ENPP3: variants seen among roughly 807,000 people sequenced by gnomAD.
The protein encoded by ENPP3 is ectonucleotide pyrophosphatase/phosphodiesterase 3.
A neutral mutation model predicts 117.8 loss-of-function variants in ENPP3; 104 were observed. The ratio of observed to expected loss-of-function variants is 0.88; its 90% confidence interval spans 0.75 to 1.04. ENPP3 has a LOEUF of 1.04. ENPP3 is among the 50% of genes least tolerant of loss of function. ENPP3 has a pLI of 0.00. For synonymous variants in ENPP3, 380 were observed against 349.9 expected, an observed-to-expected ratio of 1.09 and a Z score of -0.96; for missense variants, 1,026 against 1,051.9, an observed-to-expected ratio of 0.98 and a Z score of 0.34.
intron 1 of ENPP3, among the ~76,000 whole-genome samples, chr6:131,637,871 C>A (rs964148645): frequency 6.6e-6 from 1 of 152,072 alleles, no homozygotes. Context: ...GAGATAGTCT[C>A]TTTTGCCTAT....
At chr6:131,650,320 A>G (rs114577547) in intron 3 of ENPP3, among the ~76,000 whole-genome samples, 171 bp downstream of exon 3, 83 of 152,016 alleles carry the variant, frequency 5.5e-4, no homozygotes, top group African/African-American at 1.8e-3. Flanking sequence ...CCTGGGTCCA[A>G]TTGATCTTTC....
chr6:131,732,020 C>T (rs2114556082), intron 20 of ENPP3, among the ~76,000 whole-genome samples: 1 of 152,294 alleles, frequency 6.6e-6, no homozygotes, highest in South Asian at 2.1e-4. Flanking sequence ...ATGGTGCTCT[C>T]CTGGCTACAA....
At chr6:131,733,414 C>T (rs1349890418) in intron 20 of ENPP3, among the ~76,000 whole-genome samples, 174 bp from the exon 21 acceptor site, 1 of 152,120 alleles carries the variant, frequency 6.6e-6, no homozygotes, top group Admixed American at 6.5e-5. Context: ...CAGAAGGGAA[C>T]CACAGAAGAA....
At chr6:131,724,166 T>A (rs1436605488) in intron 19 of ENPP3, 75 bp downstream of exon 19, 1 of 954,736 alleles carries the variant, frequency 1.0e-6, no homozygotes, top group Non-Finnish European at 1.6e-6. Flanking sequence ...TTTAGGACTC[T>A]CCAAAATAAG....
At chr6:131,691,568 G>A (rs1184546231) in intron 14 of ENPP3, among the ~76,000 whole-genome samples, 1 of 145,718 alleles carries the variant, frequency 6.9e-6, no homozygotes, top group Non-Finnish European at 1.5e-5. Flanking sequence ...CAGCCTGAGT[G>A]ATAGAGCAAG....
intron 21 of ENPP3, 82 bp from the exon 22 acceptor site, chr6:131,737,273 T>C: frequency 1.3e-6 from 1 of 762,700 alleles, no homozygotes; most frequent in Middle Eastern, 3.3e-4. Context: ...TTTATATTAA[T>C]ATGTAATAGT....
chr6:131,660,013 A>C (rs906260679), intron 6 of ENPP3, among the ~76,000 whole-genome samples: 1 of 152,198 alleles, frequency 6.6e-6, no homozygotes, highest in Non-Finnish European at 1.5e-5. Context: ...AAACATTTAA[A>C]ATATTTTTTA....
intron 8 of ENPP3, 185 bp downstream of exon 8, chr6:131,674,466 A>AGTT (rs1316345695): frequency 1.6e-6 from 1 of 631,116 alleles, no homozygotes; most frequent in East Asian, 2.8e-5. Context: ...TTGTTAACTC[A>AGTT]AATAGGTATG....
intron 2 of ENPP3, among the ~76,000 whole-genome samples, chr6:131,646,711 C>T (rs543221830): frequency 1.3e-4 from 19 of 150,096 alleles, no homozygotes; most frequent in African/African-American, 4.6e-4. Context: ...ACCCTGGGAC[C>T]TCCCTTCTAG....
intron 7 of ENPP3, 108 bp downstream of exon 7, chr6:131,671,435 C>T: frequency 2.8e-6 from 2 of 709,412 alleles, no homozygotes; most frequent in Non-Finnish European, 5.0e-6. Context: ...CCTTCTGAAG[C>T]ACATGGGGGG....
intron 2 of ENPP3, among the ~76,000 whole-genome samples, chr6:131,645,710 A>G (rs1394119180): frequency 6.6e-6 from 1 of 152,164 alleles, no homozygotes; most frequent in Non-Finnish European, 1.5e-5. Flanking sequence ...TTTTTCTAGA[A>G]ATCTGAAGGT....
Position 131,746,777 on chromosome 6 carries a change from C to G in ENPP3, c.2458-9C>G. 6.3e-7 allele frequency: 1 copy of G among 1,587,890 alleles called. No homozygotes were observed. Among genetic ancestry groups the G allele is most frequent in the Non-Finnish European group, 8.5e-7 (1 of 1,171,872 alleles). ...GTGAAAAAAAAAGTGTTGTGCTTTT[C>G]TTTTTCAGGAAGGTAAACCAGAAGC... On this transcript the variant is annotated splice_polypyrimidine_tract_variant and intron_variant, in intron 24 of 24. Coordinates refer to ENST00000357639, the MANE Select transcript of ENPP3 (RefSeq NM_005021.5).
intron 11 of ENPP3, among the ~76,000 whole-genome samples, chr6:131,678,848 C>G (rs1358119411): frequency 4.6e-5 from 7 of 152,176 alleles, no homozygotes; most frequent in African/African-American, 1.7e-4. Context: ...TCAGGTTACT[C>G]TAAGCGTGAA....
chr6:131,641,537 C>T lies in ENPP3; in HGVS notation c.154+7C>T, dbSNP rs367781122. ...AGGAAACTGGAAAAGCAAGGTATAC[C>T]CCTCAGCCTTTTCTCAGAACATTCC... On this transcript the variant is annotated splice_region_variant and intron_variant, in intron 2 of 24. Transcript: ENST00000357639. 67 of 1,565,074 alleles carry T rather than the reference C, an allele frequency of 4.3e-5. No individual in the cohort carries two copies. Among genetic ancestry groups the T allele is most frequent in the Non-Finnish European group, 5.5e-5 (63 of 1,136,714 alleles).
chr6:131,710,861 A>C, intron 15 of ENPP3: 1 of 1,611,904 alleles, frequency 6.2e-7, no homozygotes, highest in Non-Finnish European at 8.5e-7. Flanking sequence ...AGAACAACAA[A>C]AAATCCAATA....
chr6:131,674,732 G>C (rs1451896541), intron 8 of ENPP3, among the ~76,000 whole-genome samples: 3 of 151,794 alleles, frequency 2.0e-5, no homozygotes, highest in Non-Finnish European at 4.4e-5. Context: ...ACCACGCCCA[G>C]CTAATTTTTT....
chr6:131,648,664 A>G (rs1778198069), intron 2 of ENPP3, among the ~76,000 whole-genome samples: 1 of 152,240 alleles, frequency 6.6e-6, no homozygotes, highest in Non-Finnish European at 1.5e-5. Context: ...AGGGATAGAA[A>G]CAAGTTGTGC....
At chr6:131,680,847 T>A (rs1779008138) in intron 11 of ENPP3, among the ~76,000 whole-genome samples, 1 of 152,222 alleles carries the variant, frequency 6.6e-6, no homozygotes, top group Admixed American at 6.5e-5. Context: ...TTTCACATTC[T>A]ATGGAGTGTG....
At chr6:131,731,004 C>G (rs1780268718) in intron 20 of ENPP3, among the ~76,000 whole-genome samples, 1 of 151,170 alleles carries the variant, frequency 6.6e-6, no homozygotes. Context: ...GTCTTTAATT[C>G]CACCTTTTGA....
Sources: gnomAD v4.1 joint callset for allele counts (sites outside exome capture counted in the v4.1 genomes callset) on GRCh38, gnomAD v4.1.1 for gene constraint, MANE v1.5 for transcripts, NCBI Gene and HGNC (gene_info 2026-07-23, HGNC 2026-07-21) for gene names.